Variants in LARGE1 observed in about 807,000 individuals in gnomAD.
LARGE1 encodes xylosyl- and glucuronyltransferase LARGE1.
Under a neutral mutation model 87.6 loss-of-function variants are expected in LARGE1, and 43 were observed. That is an observed-to-expected ratio of 0.49 (90% CI 0.38 to 0.63). The LOEUF (loss-of-function observed/expected upper bound fraction) is 0.63. Among genes scored for constraint, LARGE1 ranks in the 30% least tolerant of loss-of-function variants. The probability of loss-of-function intolerance (pLI) is 0.00; values close to 1 mark genes in which losing one functional copy is unlikely to be tolerated. For missense variants in LARGE1, 802 were observed against 1,000.2 expected (o/e 0.80, Z 2.67); for synonymous variants, 434 against 394.6 (o/e 1.10, Z -1.18).
At chr22:33,621,071 T>C (rs2079735893) in intron 4 of LARGE1, among the ~76,000 whole-genome samples, 1 of 152,232 alleles carries the variant, frequency 6.6e-6, no homozygotes, top group Non-Finnish European at 1.5e-5. Flanking sequence ...TACTGAAATA[T>C]ATACGATGCA....
At chr22:33,398,802 C>T (rs116244900) in intron 7 of LARGE1, among the ~76,000 whole-genome samples, 492 of 152,062 alleles carry the variant, frequency 3.2e-3, no homozygotes, top group African/African-American at 0.011. Flanking sequence ...GGAAGAGGGC[C>T]GACAGAGGCA....
chr22:33,495,659 C>T (rs2070077347), intron 6 of LARGE1, among the ~76,000 whole-genome samples: 1 of 151,988 alleles, frequency 6.6e-6, no homozygotes, highest in Admixed American at 6.5e-5. Flanking sequence ...GCGGAGGTTG[C>T]AGTGAGCCGA....
In LARGE1 at chr22:33,840,630, TAC is replaced by T. The variant is rs566790547; in HGVS notation, c.-82-79074_-82-79073del. The stretch of plus-strand genomic sequence containing the variant: ...ACAGCAACCCTAGATATAAGGTAAG[TAC>T]AGACAGTCCCCGATTTAGGATAATT... On this transcript the variant is annotated intron_variant, in intron 1 of 14. Coordinates refer to ENST00000397394, the MANE Select transcript of LARGE1 (RefSeq NM_133642.5). 3.0e-4 allele frequency among the ~76,000 whole-genome samples: 46 copies of T among 152,154 alleles called. No homozygotes were observed. The East Asian group carries it at 8.1e-3, about 27-fold the overall frequency.
intron 11 of LARGE1, among the ~76,000 whole-genome samples, chr22:33,314,845 T>C (rs965489968): frequency 1.3e-5 from 2 of 152,196 alleles, no homozygotes; most frequent in Admixed American, 1.3e-4. Flanking sequence ...AGAAAAGCCA[T>C]GTAGCCCTGG....
chr22:33,759,872 T>A (rs1181757928), intron 2 of LARGE1, among the ~76,000 whole-genome samples: 2 of 152,146 alleles, frequency 1.3e-5, no homozygotes, highest in African/African-American at 4.8e-5. Flanking sequence ...ATTGGCTCTA[T>A]CTACCTGCTT....
intron 11 of LARGE1, among the ~76,000 whole-genome samples, chr22:33,239,584 G>A (rs1926416340): frequency 7.5e-6 from 1 of 132,826 alleles, no homozygotes; most frequent in Admixed American, 8.2e-5. Flanking sequence ...TGTCACCCAG[G>A]CTGGAGTGCA....
chr22:33,118,881 T>G, the LARGE1 span, among the ~76,000 whole-genome samples: 1 of 152,200 alleles, frequency 6.6e-6, no homozygotes, highest in Non-Finnish European at 1.5e-5. Context: ...TTTTCCCCTG[T>G]GGGAGGAGGC....
chr22:33,811,432 C>G lies in LARGE1; in HGVS notation c.-82-49874G>C, dbSNP rs2086489982. Among the ~76,000 whole-genome samples the G allele has an allele frequency of 4.6e-5, 7 of 152,290 alleles. No homozygotes were observed. In the South Asian group the frequency reaches 1.5e-3, roughly 32 times the overall value. ...AGCCAGGCACTCTGGAGAAGTATGCCAATCTCAGCACCTCTTAAGTGATCA... is the reference window on the plus strand; with the variant it reads ...AGCCAGGCACTCTGGAGAAGTATGCGAATCTCAGCACCTCTTAAGTGATCA... On this transcript the variant is annotated intron_variant, in intron 1 of 14. Transcript: ENST00000397394.
intron 2 of LARGE1, chr22:33,732,518 G>A (rs2083506750): frequency 6.6e-6 from 1 of 152,616 alleles, no homozygotes; most frequent in African/African-American, 2.4e-5. Flanking sequence ...CAAGATTTGG[G>A]AAGTTGACAG....
chr22:33,463,931 C>T (rs932216193), intron 6 of LARGE1, among the ~76,000 whole-genome samples: 9 of 152,136 alleles, frequency 5.9e-5, no homozygotes, highest in Non-Finnish European at 1.0e-4. Context: ...GCCTTGGCCC[C>T]CCAAAGTGCT....
At position 33,503,253 on chromosome 22, in the gene LARGE1, T is replaced by G. The variant is rs372543715; in HGVS notation, c.787+61595A>C. 5.5e-3 allele frequency among the ~76,000 whole-genome samples: 824 copies of G among 149,970 alleles called. 7 individuals carry two copies. The highest frequency in any genetic ancestry group is 0.019 in the African/African-American group (770 of 40,574). ...GTTTAGGAGTTCCCCTTTTTTTTTTTTTTTTGTTTTTTTTTTTGTTTGAGA... is the reference window on the plus strand; with the variant it reads ...GTTTAGGAGTTCCCCTTTTTTTTTTGTTTTTGTTTTTTTTTTTGTTTGAGA... On this transcript the variant is annotated intron_variant, in intron 6 of 14. Coordinates refer to ENST00000397394, the MANE Select transcript of LARGE1 (RefSeq NM_133642.5).
At chr22:33,677,815 T>C (rs973015683) in intron 2 of LARGE1, among the ~76,000 whole-genome samples, 7 of 152,170 alleles carry the variant, frequency 4.6e-5, no homozygotes, top group African/African-American at 1.7e-4. Flanking sequence ...ACCCGATTAG[T>C]CACATGGGAG....
intron 6 of LARGE1, among the ~76,000 whole-genome samples, chr22:33,519,998 CTTT>C (rs397868082): frequency 2.1e-5 from 2 of 97,254 alleles, no homozygotes; most frequent in African/African-American, 4.3e-5. Context: ...TGGTTTTTCT[CTTT>C]TTTTTTTTTT....
At chr22:33,572,731 A>C (rs576496671) in intron 5 of LARGE1, among the ~76,000 whole-genome samples, 187 of 152,194 alleles carry the variant, frequency 1.2e-3, no homozygotes, top group African/African-American at 4.2e-3. Flanking sequence ...TTAGCCAGGC[A>C]TGGTGGCGCA....
chr22:33,209,365 A>G (rs1924846392), intron 11 of LARGE1, among the ~76,000 whole-genome samples: 1 of 152,206 alleles, frequency 6.6e-6, no homozygotes, highest in African/African-American at 2.4e-5. Context: ...AGAGCTCTTC[A>G]CAGTGATAGT....
chr22:33,691,457 A>T (rs924421412), intron 2 of LARGE1, among the ~76,000 whole-genome samples: 4 of 152,180 alleles, frequency 2.6e-5, no homozygotes, highest in Non-Finnish European at 5.9e-5. Flanking sequence ...CACCAGTACC[A>T]GTGGGCTCAT....
At chr22:33,468,559 T>C (rs1206372206) in intron 6 of LARGE1, among the ~76,000 whole-genome samples, 3 of 152,180 alleles carry the variant, frequency 2.0e-5, no homozygotes, top group African/African-American at 7.2e-5. Context: ...ATAATTCCTT[T>C]GGCAAAAAGG....
the LARGE1 span, among the ~76,000 whole-genome samples, chr22:33,081,961 C>G: frequency 3.3e-5 from 5 of 152,088 alleles, no homozygotes; most frequent in Admixed American, 6.6e-5. Flanking sequence ...GGGTAATAGA[C>G]AAAGAATTTA....
chr22:33,857,855 C>T (rs1477717862), intron 1 of LARGE1, among the ~76,000 whole-genome samples: 1 of 152,140 alleles, frequency 6.6e-6, no homozygotes, highest in African/African-American at 2.4e-5. Context: ...GGATCTAGAA[C>T]CAGAAATACC....
Sources: allele counts gnomAD v4.1 joint callset (sites outside exome capture counted in the v4.1 genomes callset), GRCh38; gene constraint gnomAD v4.1.1; transcripts MANE v1.5; gene names NCBI Gene and HGNC (gene_info 2026-07-23, HGNC 2026-07-21).